Variants in RAB8B observed in about 807,000 individuals in gnomAD.
The protein encoded by RAB8B is ras-related protein Rab-8B.
RAB8B carries 11 observed loss-of-function variants against 32.0 expected under a neutral mutation model. The ratio of observed to expected loss-of-function variants is 0.34; its 90% CI spans 0.22 to 0.57. The LOEUF (loss-of-function observed/expected upper bound fraction) is 0.57. RAB8B is among the 20% of genes least tolerant of loss of function. RAB8B has a pLI of 0.86. For synonymous variants in RAB8B, 103 were observed against 89.6 expected, an observed-to-expected ratio of 1.15 and a Z score of -0.85; for missense variants, 190 against 258.5, an observed-to-expected ratio of 0.73 and a Z score of 1.82.
At chr15:63,237,111 G>T (rs1332629796) in intron 1 of RAB8B, among the ~76,000 whole-genome samples, 1 of 152,164 alleles carries the variant, frequency 6.6e-6, no homozygotes, top group East Asian at 1.9e-4. Context: ...GTACTCCATT[G>T]TGTATATGTA....
At chr15:63,216,167 A>G (rs1341584465) in intron 1 of RAB8B, among the ~76,000 whole-genome samples, 1 of 151,380 alleles carries the variant, frequency 6.6e-6, no homozygotes, top group Non-Finnish European at 1.5e-5. Context: ...CTCTCTTTTA[A>G]CATCCATATA....
rs577344162 is a variant in RAB8B at position 63,197,321 on chromosome 15, G to A, written c.124+7573G>A. Reference sequence around the variant, plus strand: ...AAGGGTTTTCTTTAGTCTTGAAACTGTCTTGAAGTGGCTTTCTTTTTTTTT... The same window carrying A: ...AAGGGTTTTCTTTAGTCTTGAAACTATCTTGAAGTGGCTTTCTTTTTTTTT... On this transcript the variant is annotated intron_variant, in intron 1 of 7. Transcript: ENST00000321437. Among the ~76,000 whole-genome samples the A allele has an allele frequency of 2.3e-4, 32 of 138,322 alleles. No homozygotes were observed. The East Asian group carries it at 6.8e-3, about 30-fold the overall frequency. The allele number at this position is 138,322 out of a possible 152,430, so 90.7% of individuals were successfully genotyped here. A position where few individuals can be genotyped will look rare whatever the true frequency, so the allele number is the denominator to read the frequency against.
intron 1 of RAB8B, among the ~76,000 whole-genome samples, chr15:63,191,897 AT>A: frequency 6.6e-6 from 1 of 152,260 alleles, no homozygotes; most frequent in African/African-American, 2.4e-5. Context: ...ATTACTTTTC[AT>A]TTTGAAGGGT....
intron 1 of RAB8B, among the ~76,000 whole-genome samples, chr15:63,239,684 A>G (rs2038015871): frequency 6.6e-6 from 1 of 152,196 alleles, no homozygotes; most frequent in African/African-American, 2.4e-5. Context: ...CTGGGATTAC[A>G]GGCGTGAGCC....
intron 1 of RAB8B, among the ~76,000 whole-genome samples, chr15:63,231,151 A>G (rs2037933452): frequency 6.6e-6 from 1 of 152,234 alleles, no homozygotes; most frequent in Admixed American, 6.5e-5. Context: ...CCTGGTTATT[A>G]TCTGATACAT....
chr15:63,209,888 T>G (rs976772432), intron 1 of RAB8B, among the ~76,000 whole-genome samples: 5 of 152,078 alleles, frequency 3.3e-5, no homozygotes, highest in African/African-American at 1.2e-4. Context: ...CTCCTAATGC[T>G]CTGCCTCCCC....
At chr15:63,233,694 T>C (rs1320298596) in intron 1 of RAB8B, among the ~76,000 whole-genome samples, 3 of 152,246 alleles carry the variant, frequency 2.0e-5, no homozygotes, top group African/African-American at 7.2e-5. Context: ...TGGGAAACTA[T>C]TTTTCTATTT....
chr15:63,246,300 A>T (rs557084108), intron 2 of RAB8B, among the ~76,000 whole-genome samples: 2 of 152,150 alleles, frequency 1.3e-5, no homozygotes, highest in African/African-American at 2.4e-5. Flanking sequence ...ATTTGGGAGC[A>T]TTTTAGATTT....
chr15:63,194,312 T>C (rs1013204592), intron 1 of RAB8B, among the ~76,000 whole-genome samples: 1 of 152,232 alleles, frequency 6.6e-6, no homozygotes, highest in African/African-American at 2.4e-5. Context: ...ACTGAGTTGC[T>C]ACTATTCCTA....
At chr15:63,197,574 G>T (rs764077657) in intron 1 of RAB8B, among the ~76,000 whole-genome samples, 17 of 151,712 alleles carry the variant, frequency 1.1e-4, no homozygotes, top group Admixed American at 3.9e-4. Flanking sequence ...AGGTTTCGCT[G>T]TGTTGTCCAG....
At chr15:63,206,517 G>T (rs1485152876) in intron 1 of RAB8B, among the ~76,000 whole-genome samples, 1 of 151,892 alleles carries the variant, frequency 6.6e-6, no homozygotes, top group Non-Finnish European at 1.5e-5. Flanking sequence ...ACCTTTCCTT[G>T]TTTCTTTCGC....
chr15:63,202,692 T>C (rs905693619), intron 1 of RAB8B, among the ~76,000 whole-genome samples: 8 of 152,262 alleles, frequency 5.3e-5, no homozygotes, highest in African/African-American at 1.9e-4. Flanking sequence ...TTCCTTCCTT[T>C]GGCAATTTAA....
At chr15:63,201,092 A>G (rs1182060752) in intron 1 of RAB8B, among the ~76,000 whole-genome samples, 1 of 152,090 alleles carries the variant, frequency 6.6e-6, no homozygotes, top group Admixed American at 6.5e-5. Context: ...GGGGTACTAT[A>G]TTGGTTTGTC....
At chr15:63,218,454 C>T (rs1369417846) in intron 1 of RAB8B, among the ~76,000 whole-genome samples, 4 of 152,134 alleles carry the variant, frequency 2.6e-5, no homozygotes, top group African/African-American at 7.2e-5. Flanking sequence ...TGAAGAATAT[C>T]GTTGGACTCC....
Position 63,248,366 on chromosome 15 carries a change from G to T in RAB8B, c.186-1279G>T, listed in dbSNP as rs2038088226. ...ATCTCTATTAAAAATACAAAAATTA[G>T]CCTGGCGTGGTGGTGGGCTTCTGTA... On this transcript the variant is annotated intron_variant, in intron 2 of 7. Coordinates refer to ENST00000321437, the MANE Select transcript of RAB8B (RefSeq NM_016530.3). This position sits in a 1 kb window ranked among gnomAD's most constrained non-coding sequence, Gnocchi z 4.4. 6.6e-6 allele frequency among the ~76,000 whole-genome samples: 1 copy of T among 152,080 alleles called. No individual in the cohort carries two copies. The highest frequency in any genetic ancestry group is 1.5e-5 in the Non-Finnish European group (1 of 68,034).
chr15:63,237,201 A>G (rs12912817), intron 1 of RAB8B, among the ~76,000 whole-genome samples: 22,516 of 152,218 alleles, frequency 0.15, 2,090 homozygotes, highest in East Asian at 0.47. Flanking sequence ...TAGTGCTGCA[A>G]TAAACATGGG....
At position 63,254,569 on chromosome 15, in the gene RAB8B, A is replaced by G. The variant is rs534169593; in HGVS notation, c.247-938A>G. Among the ~76,000 whole-genome samples the G allele has an allele frequency of 7.2e-5, 11 of 152,234 alleles. No individual in the cohort carries two copies. In the East Asian group the frequency reaches 2.1e-3, roughly 29 times the overall value. The stretch of plus-strand genomic sequence containing the variant: ...TGTGGTCTGGGGATATAGATTTTGC[A>G]GTAGCATACAGGTGTTAGTTTAAAC... On this transcript the variant is annotated intron_variant, in intron 3 of 7. Transcript: ENST00000321437.
chr15:63,213,839 T>C (rs754229523), intron 1 of RAB8B, among the ~76,000 whole-genome samples: 17 of 152,088 alleles, frequency 1.1e-4, no homozygotes, highest in Admixed American at 3.9e-4. Flanking sequence ...TCCCAGCACT[T>C]TGGGAGGCAG....
chr15:63,237,463 C>T (rs2037990499), intron 1 of RAB8B, among the ~76,000 whole-genome samples: 3 of 152,108 alleles, frequency 2.0e-5, no homozygotes, highest in Admixed American at 1.3e-4. Flanking sequence ...TTGTAGTTTT[C>T]ATTTGCATTT....
Sources: gnomAD v4.1 joint callset for allele counts (sites outside exome capture counted in the v4.1 genomes callset) on GRCh38, gnomAD v4.1.1 for gene constraint, Gnocchi (gnomAD v3.1) non-coding constraint, MANE v1.5 for transcripts, NCBI Gene and HGNC (gene_info 2026-07-23, HGNC 2026-07-21) for gene names.